Variants in RCAN1 observed in about 807,000 individuals in gnomAD.
The protein encoded by RCAN1 is calcipressin-1.
A neutral mutation model predicts 22.9 loss-of-function variants in RCAN1; 11 were observed. The observed-to-expected ratio is 0.48, with a 90% CI of 0.30 to 0.79. The LOEUF is 0.79. Among genes scored for constraint, RCAN1 ranks in the 30% least tolerant of loss-of-function variants. The pLI is 0.06. For missense variants in RCAN1, 291 were observed against 337.8 expected, an observed-to-expected ratio of 0.86 and a Z score of 1.09; for synonymous variants, 136 against 142.3, an observed-to-expected ratio of 0.96 and a Z score of 0.32.
intron 1 of RCAN1, among the ~76,000 whole-genome samples, chr21:34,569,245 G>A (rs1432078467): frequency 2.0e-5 from 3 of 152,190 alleles, no homozygotes; most frequent in African/African-American, 7.2e-5. Flanking sequence ...GTGGGCTTGA[G>A]AATACAGTAT....
chr21:34,530,629 T>G (rs76732551), intron 1 of RCAN1, among the ~76,000 whole-genome samples: 80 of 116,846 alleles, frequency 6.8e-4, no homozygotes, highest in South Asian at 1.1e-3. Flanking sequence ...TTTTTTTTTT[T>G]TTTTTTTTTT....
At position 34,521,352 on chromosome 21, in the gene RCAN1, C is replaced by T. The variant is rs115641181; in HGVS notation, c.586+147G>A. ...GCAGGCATGCTCCCAGCACAAGGGACGGTGGCGCAGAAGAATACAGAGAAG... is the reference window on the plus strand; with the variant it reads ...GCAGGCATGCTCCCAGCACAAGGGATGGTGGCGCAGAAGAATACAGAGAAG... On this transcript the variant is annotated intron_variant, in intron 3 of 3. Transcript: ENST00000313806. 4.2e-3 allele frequency: 6,391 copies of T among 1,521,742 alleles called. 223 individuals are homozygous for T. The African/African-American group carries it at 0.074, about 18-fold the overall frequency. The allele number at this position is 1,521,742 out of a possible 1,614,324, so 94.3% of individuals were successfully genotyped here.
chr21:34,539,827 G>A (rs1301895495), intron 1 of RCAN1, among the ~76,000 whole-genome samples: 1 of 152,136 alleles, frequency 6.6e-6, no homozygotes, highest in East Asian at 1.9e-4. Context: ...CTAGAAACAG[G>A]GATTTCACCA....
At chr21:34,525,513 C>A (rs957453613) in intron 1 of RCAN1, 14 of 762,462 alleles carry the variant, frequency 1.8e-5, no homozygotes, top group Non-Finnish European at 2.7e-5. Flanking sequence ...ATGACCTCAT[C>A]AATAGGCACT....
intron 1 of RCAN1, among the ~76,000 whole-genome samples, chr21:34,585,350 A>C (rs1430028823): frequency 6.6e-6 from 1 of 152,390 alleles, no homozygotes; most frequent in African/African-American, 2.4e-5. Flanking sequence ...TAATAAAATA[A>C]GTCAAGGATG....
chr21:34,572,800 A>T (rs1987277178), intron 1 of RCAN1, among the ~76,000 whole-genome samples: 2 of 152,212 alleles, frequency 1.3e-5, no homozygotes, highest in Admixed American at 1.3e-4. Flanking sequence ...GGAAATGTAT[A>T]ATCATGGCAG....
At chr21:34,572,509 T>C (rs1283811696) in intron 1 of RCAN1, among the ~76,000 whole-genome samples, 1 of 152,148 alleles carries the variant, frequency 6.6e-6, no homozygotes, top group African/African-American at 2.4e-5. Context: ...GTTTTATGTG[T>C]TGGAGTTCAG....
At chr21:34,592,950 G>T (rs1988023329) in intron 1 of RCAN1, among the ~76,000 whole-genome samples, 1 of 152,208 alleles carries the variant, frequency 6.6e-6, no homozygotes, top group Non-Finnish European at 1.5e-5. Flanking sequence ...AGAGGATGGG[G>T]AGCTGGACTC....
At chr21:34,543,084 AG>A (rs1985988299) in intron 1 of RCAN1, among the ~76,000 whole-genome samples, 1 of 152,222 alleles carries the variant, frequency 6.6e-6, no homozygotes, top group Non-Finnish European at 1.5e-5. Flanking sequence ...GCCTACATTG[AG>A]GCTTGGTGCA....
At chr21:34,599,532 T>G (rs557104687) in intron 1 of RCAN1, among the ~76,000 whole-genome samples, 1 of 152,300 alleles carries the variant, frequency 6.6e-6, no homozygotes, top group African/African-American at 2.4e-5. Context: ...AAAAGCCAAG[T>G]AGCAAAATAT....
intron 1 of RCAN1, among the ~76,000 whole-genome samples, chr21:34,571,096 C>G (rs2123682519): frequency 1.3e-5 from 2 of 152,174 alleles, no homozygotes; most frequent in East Asian, 1.9e-4. Context: ...GAGTTCGAGA[C>G]CAGCCTGACC....
rs1025420173 is a variant in RCAN1 at position 34,525,403 on chromosome 21, G to A, written c.253-1693C>T. On this transcript the variant is annotated intron_variant, in intron 1 of 3. Transcript: ENST00000313806. ...GCGAAGGAACGCGGAGCTGGCGGAC[G>A]GTAGAGTTCATCTGGCCGCCTCTCA... The A allele has an allele frequency of 1.3e-5, 19 of 1,434,170 alleles. 1 individual carries two copies. In the Admixed American group the frequency reaches 2.0e-4, roughly 15 times the overall value. The allele number at this position is 1,434,170 out of a possible 1,614,324, so 88.8% of individuals were successfully genotyped here.
intron 1 of RCAN1, among the ~76,000 whole-genome samples, chr21:34,571,534 TA>T (rs1987234129): frequency 6.6e-6 from 1 of 152,248 alleles, no homozygotes; most frequent in East Asian, 1.9e-4. Context: ...CAGTTTGTTT[TA>T]AATTAGAACT....
chr21:34,613,758 C>T (rs1381486056), intron 1 of RCAN1: 2 of 1,484,476 alleles, frequency 1.3e-6, no homozygotes, highest in African/African-American at 1.4e-5. Flanking sequence ...AGTAAGTGAA[C>T]ATATAAATTA....
At chr21:34,530,060 T>A (rs1414710073) in intron 1 of RCAN1, among the ~76,000 whole-genome samples, 1 of 152,210 alleles carries the variant, frequency 6.6e-6, no homozygotes, top group Admixed American at 6.5e-5. Context: ...TTCTTCCCAG[T>A]CTTGGGTATG....
chr21:34,601,678 C>T (rs866509549), intron 1 of RCAN1, among the ~76,000 whole-genome samples: 25 of 151,876 alleles, frequency 1.6e-4, no homozygotes, highest in African/African-American at 5.8e-4. Context: ...ATTAGCCAGG[C>T]GTGGTGGTGG....
rs140031622 is a variant in RCAN1, at chr21:34,537,386, C to T, written c.253-13676G>A. Among the ~76,000 whole-genome samples, 115 of 152,286 alleles carry T rather than the reference C, an allele frequency of 7.6e-4. 1 individual carries two copies. Among genetic ancestry groups the T allele is most frequent in the East Asian group, 1.3e-3 (7 of 5,190 alleles). ...GTGAACTGTAGCCCATTAACATTGA[C>T]GGAAAATTAGTTGTTAATATTGAAA... On this transcript the variant is annotated intron_variant, in intron 1 of 3. Transcript: ENST00000313806.
At chr21:34,544,310 G>A (rs1986045867) in intron 1 of RCAN1, among the ~76,000 whole-genome samples, 1 of 152,232 alleles carries the variant, frequency 6.6e-6, no homozygotes, top group Admixed American at 6.5e-5. Context: ...GGATGGGAGA[G>A]ACATTCTCTG....
At chr21:34,548,296 A>G (rs779066438) in intron 1 of RCAN1, among the ~76,000 whole-genome samples, 1 of 132,394 alleles carries the variant, frequency 7.6e-6, no homozygotes, top group Non-Finnish European at 1.6e-5. Flanking sequence ...ATTGATTTTC[A>G]TTACTTTTGC....
Sources: allele counts gnomAD v4.1 joint callset (sites outside exome capture counted in the v4.1 genomes callset), GRCh38; gene constraint gnomAD v4.1.1; transcripts MANE v1.5; gene names NCBI Gene and HGNC (gene_info 2026-07-23, HGNC 2026-07-21).